The following CYP7B1 variants were observed in gnomAD, a reference collection of about 807,000 sequenced individuals.
CYP7B1 encodes cytochrome P450 family 7 subfamily B member 1, also known as cytochrome P450 7B1.
In CYP7B1, 29 loss-of-function variants were observed where a neutral mutation model predicts 42.7. The observed-to-expected ratio is 0.68, with a 90% CI of 0.51 to 0.93. The LOEUF is 0.93. Ranked by LOEUF, CYP7B1 falls within the 40% of genes least tolerant of loss-of-function variation. CYP7B1 has a pLI of 0.00. For missense variants in CYP7B1, 655 were observed against 600.5 expected, an observed-to-expected ratio of 1.09 and a Z score of -0.95; for synonymous variants, 235 against 218.2, an observed-to-expected ratio of 1.08 and a Z score of -0.68.
chr8:64,732,717 C>T (rs368810144), intron 1 of CYP7B1: 5 of 152,160 alleles, frequency 3.3e-5, no homozygotes, highest in African/African-American at 7.2e-5. Flanking sequence ...GTAATCCCAA[C>T]GAGTTGTGGA....
rs777885599 is a variant in CYP7B1, at chr8:64,616,024, T to G, written c.517A>C (p.Thr173Pro). Reference sequence around the variant, plus strand: ...TACAGTTCTGCCGTGTCCCAACTTGTGGTTTTTAACAGCTGGGGTTCAAAA... The same window carrying G: ...TACAGTTCTGCCGTGTCCCAACTTGGGGTTTTTAACAGCTGGGGTTCAAAA... ...QVFEPQLLKT[T>P]SWDTAELYPF... The change falls in exon 3 of 6, where the codon ACA becomes CCA. Residue 173 changes from threonine to proline, a missense_variant. Coordinates refer to ENST00000310193, the MANE Select transcript of CYP7B1 (RefSeq NM_004820.5). The G allele has an allele frequency of 7.4e-6, 12 of 1,613,684 alleles. No individual in the cohort carries two copies. The Admixed American group carries it at 1.8e-4, about 25-fold the overall frequency.
chr8:64,767,480 C>T (rs150064064), intron 1 of CYP7B1, among the ~76,000 whole-genome samples: 84 of 152,356 alleles, frequency 5.5e-4, no homozygotes, highest in African/African-American at 1.7e-3. Context: ...GAAGAAAGAA[C>T]GGGGAACCTC....
At chr8:64,688,869 T>A (rs1806696560) in intron 1 of CYP7B1, among the ~76,000 whole-genome samples, 1 of 152,110 alleles carries the variant, frequency 6.6e-6, no homozygotes, top group Non-Finnish European at 1.5e-5. Flanking sequence ...GAGGCTGCAA[T>A]GAGTTATGAT....
intron 1 of CYP7B1, among the ~76,000 whole-genome samples, chr8:64,699,749 T>A (rs573627813): frequency 5.3e-4 from 81 of 152,094 alleles, no homozygotes; most frequent in South Asian, 4.6e-3. Flanking sequence ...ATTTTAATTT[T>A]AAAAAAAATT....
At chr8:64,754,638 C>T (rs933862986) in intron 1 of CYP7B1, among the ~76,000 whole-genome samples, 2 of 152,026 alleles carry the variant, frequency 1.3e-5, no homozygotes, top group African/African-American at 4.8e-5. Context: ...TTGAGCAAGG[C>T]TAGGCCATGG....
intron 1 of CYP7B1, among the ~76,000 whole-genome samples, chr8:64,789,409 T>C (rs1228961458): frequency 6.6e-6 from 1 of 152,216 alleles, no homozygotes; most frequent in Admixed American, 6.5e-5. Flanking sequence ...CACTCATCCA[T>C]ATCTAGGATC....
At chr8:64,775,375 C>A (rs1804306922) in intron 1 of CYP7B1, among the ~76,000 whole-genome samples, 1 of 152,088 alleles carries the variant, frequency 6.6e-6, no homozygotes, top group Admixed American at 6.6e-5. Context: ...TTATAGTAAA[C>A]TGTGTATTCT....
chr8:64,706,753 T>A (rs1258298582), intron 1 of CYP7B1, among the ~76,000 whole-genome samples: 1 of 152,000 alleles, frequency 6.6e-6, no homozygotes, highest in Non-Finnish European at 1.5e-5. Flanking sequence ...GAGTTGGACC[T>A]TGCTAAGCTG....
At chr8:64,751,529 T>C (rs1807725169) in intron 1 of CYP7B1, among the ~76,000 whole-genome samples, 1 of 152,224 alleles carries the variant, frequency 6.6e-6, no homozygotes, top group African/African-American at 2.4e-5. Flanking sequence ...ATATATAGCA[T>C]TCATATAAGG....
chr8:64,768,667 A>C (rs1440300854), intron 1 of CYP7B1, among the ~76,000 whole-genome samples: 1 of 152,206 alleles, frequency 6.6e-6, no homozygotes, highest in Non-Finnish European at 1.5e-5. Context: ...CTATGAGATA[A>C]GTCTTATTGT....
At chr8:64,619,253 T>C (rs1176370408) in intron 2 of CYP7B1, among the ~76,000 whole-genome samples, 1 of 152,214 alleles carries the variant, frequency 6.6e-6, no homozygotes, top group Non-Finnish European at 1.5e-5. Context: ...AAGGAAATCT[T>C]CTGAAAAGGT....
intron 1 of CYP7B1, among the ~76,000 whole-genome samples, chr8:64,793,275 G>C (rs1420409963): frequency 6.6e-6 from 1 of 151,426 alleles, no homozygotes. Flanking sequence ...TTTTAATTCT[G>C]GTTTAAGTGT....
intron 1 of CYP7B1, among the ~76,000 whole-genome samples, chr8:64,645,125 G>A (rs1805930027): frequency 1.3e-5 from 2 of 151,102 alleles, no homozygotes; most frequent in Admixed American, 1.3e-4. Flanking sequence ...ATTCCATGGT[G>A]TATATGTGCC....
chr8:64,670,231 T>C (rs564335701), intron 1 of CYP7B1, among the ~76,000 whole-genome samples: 1 of 152,316 alleles, frequency 6.6e-6, no homozygotes, highest in East Asian at 1.9e-4. Flanking sequence ...CAGCCAGCAG[T>C]AGAGCCAAAG....
intron 1 of CYP7B1, among the ~76,000 whole-genome samples, chr8:64,677,343 A>T (rs1276167532): frequency 1.3e-5 from 2 of 150,928 alleles, no homozygotes; most frequent in Non-Finnish European, 3.0e-5. Context: ...AAGTTGTCAT[A>T]GAGGTACTAG....
intron 1 of CYP7B1, among the ~76,000 whole-genome samples, chr8:64,788,268 G>A (rs1804561259): frequency 6.6e-6 from 1 of 152,240 alleles, no homozygotes; most frequent in Non-Finnish European, 1.5e-5. Context: ...AATTGAAGGA[G>A]TGGGCAGCGA....
intron 1 of CYP7B1, among the ~76,000 whole-genome samples, chr8:64,639,309 T>C (rs956040875): frequency 6.6e-6 from 1 of 152,062 alleles, no homozygotes; most frequent in African/African-American, 2.4e-5. Flanking sequence ...CTTCAAAGCA[T>C]TGGTATGAAA....
intron 1 of CYP7B1, among the ~76,000 whole-genome samples, chr8:64,674,359 G>A (rs1248111768): frequency 2.6e-5 from 4 of 152,110 alleles, no homozygotes; most frequent in Non-Finnish European, 4.4e-5. Context: ...CTGGCACAGA[G>A]ACCACACTTT....
At chr8:64,785,151 A>G (rs963529354) in intron 1 of CYP7B1, among the ~76,000 whole-genome samples, 3 of 152,224 alleles carry the variant, frequency 2.0e-5, no homozygotes, top group African/African-American at 7.2e-5. Context: ...AATTAAAACA[A>G]TAAGTATCAC....
Sources: allele counts gnomAD v4.1 joint callset (sites outside exome capture counted in the v4.1 genomes callset), GRCh38; gene constraint gnomAD v4.1.1; transcripts MANE v1.5; gene names NCBI Gene and HGNC (gene_info 2026-07-23, HGNC 2026-07-21).